FCGRT: variants seen among roughly 807,000 people sequenced by gnomAD.
FCGRT encodes the protein IgG receptor FcRn large subunit p51.
Under a neutral mutation model 35.7 loss-of-function variants are expected in FCGRT, and 13 were observed. The observed-to-expected ratio is 0.36, with a 90% CI of 0.24 to 0.58. The LOEUF (loss-of-function observed/expected upper bound fraction) is 0.58, where lower values mean the gene tolerates loss of function less well. Among genes scored for constraint, FCGRT ranks in the 20% least tolerant of loss-of-function variants. The pLI is 0.77. For missense variants in FCGRT, 455 were observed against 474.9 expected (o/e 0.96, Z 0.39); for synonymous variants, 233 against 216.5 (o/e 1.08, Z -0.67).
Position 49,526,198 on chromosome 19 carries a change from C to T in FCGRT, c.*79C>T. On this transcript the variant is annotated 3_prime_UTR_variant, in exon 7 of 7. Coordinates refer to ENST00000221466, the MANE Select transcript of FCGRT (RefSeq NM_001136019.3). ...GTGAGACCTCCTGGAACACTGGCAT[C>T]TCTGAGCCTCCAGAAGGGGTTCTGG... The T allele has an allele frequency of 7.5e-6, 7 of 937,832 alleles. No homozygotes were observed. The highest frequency in any genetic ancestry group is 7.0e-5 in the South Asian group (5 of 71,568). 58.1% of individuals were successfully genotyped at this position (937,832 alleles called of 1,614,324 possible).
chr19:49,514,618 T>C, intron 4 of FCGRT, 132 bp downstream of exon 4: 1 of 853,874 alleles, frequency 1.2e-6, no homozygotes, highest in Non-Finnish European at 1.7e-6. Flanking sequence ...TCCTCAGGGG[T>C]CCTTCTACAC....
rs3030704 is a variant in FCGRT, at chr19:49,513,737, T to TCCC, written c.74-135_74-133dup. 10 of 257,956 alleles carry TCCC rather than the reference T, an allele frequency of 3.9e-5. No individual in the cohort carries two copies. In the African/African-American group the frequency reaches 3.9e-4, roughly 10 times the overall value. The allele number at this position is 257,956 out of a possible 1,614,324, so 16.0% of individuals were successfully genotyped here. The stretch of plus-strand genomic sequence containing the variant: ...TTGTCTCTCTCTCTCTGGGTCTCTG[T>TCCC]CCCCCCCCCCCCGGGTTTCTGTCCC... On this transcript the variant is annotated intron_variant, in intron 2 of 6. Coordinates refer to ENST00000221466, the MANE Select transcript of FCGRT (RefSeq NM_001136019.3).
Position 49,525,506 on chromosome 19 carries a change from C to T in FCGRT, c.921C>T (p.Val307=), listed in dbSNP as rs757058501. 1 of 1,613,992 alleles carries T rather than the reference C, an allele frequency of 6.2e-7. No individual in the cohort carries two copies. Among genetic ancestry groups the T allele is most frequent in the Non-Finnish European group, 8.5e-7 (1 of 1,180,016 alleles). ...SVLVVGIVIG[V]LLLTAAAVGG... Reference sequence around the variant, plus strand: ...TCGTGGTGGGAATCGTCATCGGTGTCTTGCTACTCACGGCAGCGGCTGTAG... The same window carrying T: ...TCGTGGTGGGAATCGTCATCGGTGTTTTGCTACTCACGGCAGCGGCTGTAG... The change falls in exon 6 of 7, where the codon GTC becomes GTT. Residue 307 remains valine, a synonymous_variant. Transcript: ENST00000221466.
In FCGRT at chr19:49,514,179, G is replaced by C. The variant is rs200099083; in HGVS notation, c.326-32G>C. On this transcript the variant is annotated intron_variant, in intron 3 of 6. Transcript: ENST00000221466. The stretch of plus-strand genomic sequence containing the variant: ...GGCAAGGGGCCGGGTCCATGCTCCG[G>C]GGCCCCGCTTACCTGTGTTTGGGCG... 96 of 1,610,150 alleles carry C rather than the reference G, an allele frequency of 6.0e-5. 1 individual carries two copies. In the East Asian group the frequency reaches 2.1e-3, roughly 35 times the overall value.
chr19:49,518,216 C>T (rs1240739502), intron 4 of FCGRT, among the ~76,000 whole-genome samples: 1 of 152,152 alleles, frequency 6.6e-6, no homozygotes, highest in African/African-American at 2.4e-5. Flanking sequence ...CCAATTAACT[C>T]TTTAATGGCA....
intron 4 of FCGRT, among the ~76,000 whole-genome samples, chr19:49,522,926 G>C (rs1010663118): frequency 6.6e-6 from 1 of 150,980 alleles, no homozygotes; most frequent in African/African-American, 2.4e-5. Flanking sequence ...TACAGGCGCC[G>C]GCCACCACGC....
At chr19:49,522,331 C>G (rs1186618989) in intron 4 of FCGRT, among the ~76,000 whole-genome samples, 1 of 152,000 alleles carries the variant, frequency 6.6e-6, no homozygotes, top group Non-Finnish European at 1.5e-5. Flanking sequence ...CCACCTCATT[C>G]TCCCAAAGCG....
chr19:49,523,481 A>C (rs1383558960), intron 4 of FCGRT, among the ~76,000 whole-genome samples: 1 of 151,582 alleles, frequency 6.6e-6, no homozygotes, highest in East Asian at 1.9e-4. Flanking sequence ...GGAAGAAGAA[A>C]CTCTTGAACC....
intron 4 of FCGRT, among the ~76,000 whole-genome samples, chr19:49,519,934 G>A (rs2080030907): frequency 6.7e-6 from 1 of 149,118 alleles, no homozygotes; most frequent in Non-Finnish European, 1.5e-5. Flanking sequence ...AGGTTCAAGC[G>A]ATTCTGCTGC....
intron 4 of FCGRT, among the ~76,000 whole-genome samples, chr19:49,522,384 A>G (rs1283660422): frequency 1.3e-5 from 2 of 151,658 alleles, no homozygotes; most frequent in Non-Finnish European, 2.9e-5. Flanking sequence ...CCTGTCTGCT[A>G]ATATTATGTT....
At position 49,526,235 on chromosome 19, in the gene FCGRT, C is replaced by T; in HGVS notation, c.*116C>T. On this transcript the variant is annotated 3_prime_UTR_variant, in exon 7 of 7. Coordinates refer to ENST00000221466, the MANE Select transcript of FCGRT (RefSeq NM_001136019.3). ...AGAAGGGGTTCTGGGCCTAGTTGTCCTCCCTCTGGAGCCCCGTCCTGTGGT... is the reference window on the plus strand; with the variant it reads ...AGAAGGGGTTCTGGGCCTAGTTGTCTTCCCTCTGGAGCCCCGTCCTGTGGT... 1 of 705,290 alleles carries T rather than the reference C, an allele frequency of 1.4e-6. No homozygotes were observed. Among genetic ancestry groups the T allele is most frequent in the South Asian group, 1.7e-5 (1 of 59,620 alleles). The allele number at this position is 705,290 out of a possible 1,614,324, so 43.7% of individuals were successfully genotyped here.
At chr19:49,513,290 C>T (rs922172950) in intron 1 of FCGRT, 97 bp from the exon 2 acceptor site, 2 of 478,620 alleles carry the variant, frequency 4.2e-6, no homozygotes, top group Admixed American at 4.4e-5. Context: ...CCGCAGAGCC[C>T]CTCCTCGGCG....
At chr19:49,514,171 A>G in intron 3 of FCGRT, 38 bp downstream of exon 3, 2 of 1,610,868 alleles carry the variant, frequency 1.2e-6, no homozygotes, top group Non-Finnish European at 1.7e-6. Context: ...GGCCGGGTCC[A>G]TGCTCCGGGG....
intron 4 of FCGRT, among the ~76,000 whole-genome samples, chr19:49,520,148 T>TTTTTTTG (rs2080032565): frequency 1.4e-5 from 2 of 138,714 alleles, no homozygotes; most frequent in African/African-American, 2.8e-5. Context: ...TTTTTTTTTT[T>TTTTTTTG]GAGAGGGCGT....
intron 4 of FCGRT, among the ~76,000 whole-genome samples, chr19:49,517,676 A>G (rs915830653): frequency 3.3e-5 from 5 of 152,038 alleles, no homozygotes; most frequent in Non-Finnish European, 7.4e-5. Context: ...GGTAAATCTC[A>G]GACATCACAG....
intron 2 of FCGRT, 30 bp downstream of exon 2, chr19:49,513,503 T>G: frequency 8.2e-7 from 1 of 1,223,852 alleles, no homozygotes; most frequent in Non-Finnish European, 1.0e-6. Flanking sequence ...AGGGCCCTGC[T>G]GCAGGCGGGC....
intron 4 of FCGRT, among the ~76,000 whole-genome samples, chr19:49,518,556 CAA>C (rs982094837): frequency 6.6e-6 from 1 of 152,028 alleles, no homozygotes; most frequent in Admixed American, 6.6e-5. Flanking sequence ...TTTTTTGAGA[CAA>C]AGTCTTACTC....
chr19:49,525,060 T>G (rs1322572444), intron 5 of FCGRT: 1 of 597,242 alleles, frequency 1.7e-6, no homozygotes, highest in Non-Finnish European at 3.1e-6. Flanking sequence ...CTGCTGCTGC[T>G]GCTGCTGCTG....
chr19:49,513,193 C>T (rs1282911011), intron 1 of FCGRT, 194 bp from the exon 2 acceptor site: 3 of 379,454 alleles, frequency 7.9e-6, no homozygotes, highest in Middle Eastern at 6.5e-4. Context: ...TATCAAGTGT[C>T]TGTAATTAAT....
Sources: allele counts gnomAD v4.1 joint callset (sites outside exome capture counted in the v4.1 genomes callset), GRCh38; gene constraint gnomAD v4.1.1; transcripts MANE v1.5; gene names NCBI Gene and HGNC (gene_info 2026-07-23, HGNC 2026-07-21).